The following CCDC192 variants were observed in gnomAD, a reference collection of about 807,000 sequenced individuals.
The protein encoded by CCDC192 is coiled-coil domain containing 192.
intron 3 of CCDC192, among the ~76,000 whole-genome samples, chr5:127,771,191 T>C (rs1350503384): frequency 6.6e-6 from 1 of 152,208 alleles, no homozygotes; most frequent in Non-Finnish European, 1.5e-5. Context: ...TGTGTGAAGA[T>C]AGCTTGTCTG....
chr5:127,880,075 G>T (rs1276890171), intron 6 of CCDC192, among the ~76,000 whole-genome samples: 3 of 151,984 alleles, frequency 2.0e-5, no homozygotes, highest in Admixed American at 2.0e-4. Flanking sequence ...CCATTACTGG[G>T]TATATACCCA....
rs143344864 is a variant in CCDC192 at position 127,914,310 on chromosome 5, A to G, written c.536-26872A>G. Reference sequence around the variant, plus strand: ...CTGACCAGTATGTCTATAATGTCTTATCTGAAGCTTGGGGGCCAAATATGT... The same window carrying G: ...CTGACCAGTATGTCTATAATGTCTTGTCTGAAGCTTGGGGGCCAAATATGT... On this transcript the variant is annotated intron_variant, in intron 6 of 6. Coordinates refer to ENST00000514853, the MANE Select transcript of CCDC192 (RefSeq NM_001317938.2). Among the ~76,000 whole-genome samples the G allele has an allele frequency of 1.9e-3, 293 of 152,334 alleles. 2 individuals are homozygous for G. Among genetic ancestry groups the G allele is most frequent in the South Asian group, 0.016 (77 of 4,818 alleles).
chr5:127,874,333 G>A (rs1751980477), intron 5 of CCDC192, among the ~76,000 whole-genome samples: 1 of 152,120 alleles, frequency 6.6e-6, no homozygotes, highest in African/African-American at 2.4e-5. Context: ...GTGAAGTGCT[G>A]ATCTTCCTGT....
At chr5:127,703,970 G>A (rs1419934495) in intron 1 of CCDC192, among the ~76,000 whole-genome samples, 1 of 152,188 alleles carries the variant, frequency 6.6e-6, no homozygotes, top group Non-Finnish European at 1.5e-5. Context: ...TGGAAGTACA[G>A]TTCACTTCTC....
intron 5 of CCDC192, among the ~76,000 whole-genome samples, chr5:127,798,403 T>C (rs1236090788): frequency 2.0e-5 from 3 of 152,158 alleles, no homozygotes; most frequent in African/African-American, 7.2e-5. Context: ...AATCAGGTGC[T>C]ATCAGAAGAA....
intron 3 of CCDC192, among the ~76,000 whole-genome samples, chr5:127,761,113 T>A (rs1354545500): frequency 6.6e-6 from 1 of 152,184 alleles, no homozygotes; most frequent in African/African-American, 2.4e-5. Context: ...AAGAACCTAA[T>A]TTGGGGCATT....
At chr5:127,854,408 A>G (rs1268861807) in intron 5 of CCDC192, among the ~76,000 whole-genome samples, 1 of 152,220 alleles carries the variant, frequency 6.6e-6, no homozygotes, top group African/African-American at 2.4e-5. Context: ...GAGAGAGTCC[A>G]CAGTCACATA....
At chr5:127,886,053 A>G (rs949963190) in intron 6 of CCDC192, among the ~76,000 whole-genome samples, 3 of 152,198 alleles carry the variant, frequency 2.0e-5, no homozygotes, top group South Asian at 4.1e-4. Flanking sequence ...TCAGGCAAGC[A>G]TAAGAAACAG....
intron 5 of CCDC192, among the ~76,000 whole-genome samples, chr5:127,871,139 C>T (rs961076389): frequency 5.3e-5 from 8 of 152,204 alleles, no homozygotes; most frequent in Admixed American, 3.3e-4. Flanking sequence ...CATCATTACA[C>T]GCAGGCAGCC....
intron 3 of CCDC192, chr5:127,786,423 A>G (rs1727884536): frequency 3.2e-6 from 2 of 623,072 alleles, no homozygotes; most frequent in Non-Finnish European, 6.0e-6. Flanking sequence ...CTTCAGCTCC[A>G]ATTCCATGTA....
chr5:127,778,957 T>C (rs1216082143), intron 3 of CCDC192, among the ~76,000 whole-genome samples: 1 of 152,158 alleles, frequency 6.6e-6, no homozygotes, highest in Non-Finnish European at 1.5e-5. Flanking sequence ...AAGTTGGAAG[T>C]ATTGTTTCCA....
intron 2 of CCDC192, among the ~76,000 whole-genome samples, chr5:127,748,468 T>G (rs1345250986): frequency 1.1e-5 from 1 of 87,230 alleles, no homozygotes; most frequent in African/African-American, 3.9e-5. Context: ...TTGATCTATA[T>G]CTCTGTTTTG....
At chr5:127,709,548 CTT>C (rs1049458962) in intron 2 of CCDC192, among the ~76,000 whole-genome samples, 1 of 152,176 alleles carries the variant, frequency 6.6e-6, no homozygotes, top group African/African-American at 2.4e-5. Context: ...TAACATCTCT[CTT>C]GTCAGTGTAG....
At chr5:127,770,133 A>G (rs1000245262) in intron 3 of CCDC192, among the ~76,000 whole-genome samples, 2 of 152,188 alleles carry the variant, frequency 1.3e-5, no homozygotes, top group Non-Finnish European at 2.9e-5. Context: ...TGCCCAGGCT[A>G]GAGTGCAGTG....
intron 2 of CCDC192, among the ~76,000 whole-genome samples, chr5:127,710,832 G>C (rs1025674919): frequency 1.2e-4 from 18 of 152,166 alleles, no homozygotes; most frequent in Admixed American, 1.1e-3. Context: ...CAAAGAATAT[G>C]TGTTTACTTT....
intron 2 of CCDC192, among the ~76,000 whole-genome samples, chr5:127,723,045 C>T (rs1042334626): frequency 2.0e-5 from 3 of 152,032 alleles, no homozygotes; most frequent in African/African-American, 7.2e-5. Flanking sequence ...TTGCTTTGGG[C>T]AGTATGGACA....
At chr5:127,908,164 G>T (rs996402764) in intron 6 of CCDC192, among the ~76,000 whole-genome samples, 2 of 152,176 alleles carry the variant, frequency 1.3e-5, no homozygotes, top group African/African-American at 4.8e-5. Flanking sequence ...CTCACAGCTT[G>T]TTCAGCACTG....
At position 127,710,643 on chromosome 5, in the gene CCDC192, G is replaced by A. The variant is rs78024605; in HGVS notation, c.114+2883G>A. 2.5e-3 allele frequency among the ~76,000 whole-genome samples: 379 copies of A among 152,266 alleles called. 2 individuals carry two copies. Among genetic ancestry groups the A allele is most frequent in the African/African-American group, 8.7e-3 (362 of 41,546 alleles). ...AAAACAAACAGACTGAGCTCCAGGCGTAGTAGCAGGTGATTGAAATTCCCT... is the reference window on the plus strand; with the variant it reads ...AAAACAAACAGACTGAGCTCCAGGCATAGTAGCAGGTGATTGAAATTCCCT... On this transcript the variant is annotated intron_variant, in intron 2 of 6. Coordinates refer to ENST00000514853, the MANE Select transcript of CCDC192 (RefSeq NM_001317938.2).
chr5:127,747,037 G>C (rs1753792116), intron 2 of CCDC192, among the ~76,000 whole-genome samples: 1 of 151,458 alleles, frequency 6.6e-6, no homozygotes, highest in African/African-American at 2.4e-5. Context: ...GCAGAAGTTA[G>C]ACCTTTAAGG....
Sources: gnomAD v4.1 joint callset for allele counts (sites outside exome capture counted in the v4.1 genomes callset) on GRCh38, gnomAD v4.1.1 for gene constraint, MANE v1.5 for transcripts, NCBI Gene and HGNC (gene_info 2026-07-23, HGNC 2026-07-21) for gene names.